Variants in PAPSS1 observed in about 807,000 individuals in gnomAD.
PAPSS1 encodes 3'-phosphoadenosine 5'-phosphosulfate synthase 1.
PAPSS1 carries 50 observed loss-of-function variants against 72.0 expected under a neutral mutation model. That is an observed-to-expected ratio of 0.69 (90% CI 0.55 to 0.88). The LOEUF (loss-of-function observed/expected upper bound fraction) is 0.88. PAPSS1 is among the 40% of genes least tolerant of loss of function. The pLI, the probability that PAPSS1 is intolerant of heterozygous loss-of-function variation, is 0.00. For synonymous variants in PAPSS1, 261 were observed against 263.6 expected, an observed-to-expected ratio of 0.99 and a Z score of 0.09; for missense variants, 657 against 782.2, an observed-to-expected ratio of 0.84 and a Z score of 1.91.
intron 9 of PAPSS1, among the ~76,000 whole-genome samples, chr4:107,652,413 G>A (rs779305055): frequency 1.3e-4 from 20 of 152,140 alleles, no homozygotes; most frequent in Non-Finnish European, 2.9e-5. Flanking sequence ...CCACCTCTGT[G>A]TCAAAGACCT....
chr4:107,720,115 C>A lies in PAPSS1; in HGVS notation c.60+5G>T. ...CTCGCCGTCTCGCCTTCGTCCCCAG[C>A]TTACCCAGTTCTGCGCGTTATTGCT... On this transcript the variant is annotated splice_donor_5th_base_variant and intron_variant, in intron 1 of 11. Coordinates refer to ENST00000265174, the MANE Select transcript of PAPSS1 (RefSeq NM_005443.5). The A allele has an allele frequency of 6.2e-7, 1 of 1,603,608 alleles. No individual in the cohort carries two copies. The highest frequency in any genetic ancestry group is 8.5e-7 in the Non-Finnish European group (1 of 1,175,522).
At chr4:107,669,427 G>C (rs62311638) in intron 5 of PAPSS1, among the ~76,000 whole-genome samples, 27,364 of 152,110 alleles carry the variant, frequency 0.18, 2,934 homozygotes, top group East Asian at 0.37. Flanking sequence ...TAAAAGAAGA[G>C]AAATAAATGA....
At chr4:107,615,974 C>A (rs1176833039) in intron 11 of PAPSS1, among the ~76,000 whole-genome samples, 1 of 152,148 alleles carries the variant, frequency 6.6e-6, no homozygotes, top group Non-Finnish European at 1.5e-5. Context: ...GACTTCCCAA[C>A]CTCTAGAACT....
At chr4:107,666,137 T>G (rs992442769) in intron 5 of PAPSS1, among the ~76,000 whole-genome samples, 5 of 152,224 alleles carry the variant, frequency 3.3e-5, no homozygotes, top group Non-Finnish European at 7.3e-5. Context: ...AGTCTGGCTT[T>G]TATGTGTAGC....
intron 5 of PAPSS1, among the ~76,000 whole-genome samples, chr4:107,681,367 C>A (rs577629474): frequency 6.6e-6 from 1 of 152,220 alleles, no homozygotes; most frequent in East Asian, 1.9e-4. Flanking sequence ...ACTATGTGAC[C>A]CTCCAATGAA....
In PAPSS1 at chr4:107,692,016, C is replaced by T. The variant is rs144995179; in HGVS notation, c.411+1755G>A. 4.3e-3 allele frequency among the ~76,000 whole-genome samples: 659 copies of T among 152,232 alleles called. 1 individual carries two copies. Among genetic ancestry groups the T allele is most frequent in the Non-Finnish European group, 7.7e-3 (523 of 68,012 alleles). The stretch of plus-strand genomic sequence containing the variant: ...GCAGAAGATTGAAACTGGACCCCTT[C>T]CTTACACCATAGGCAAAAATTAACT... On this transcript the variant is annotated intron_variant, in intron 3 of 11. Coordinates refer to ENST00000265174, the MANE Select transcript of PAPSS1 (RefSeq NM_005443.5).
At chr4:107,681,440 C>G (rs1442674764) in intron 5 of PAPSS1, among the ~76,000 whole-genome samples, 1 of 152,042 alleles carries the variant, frequency 6.6e-6, no homozygotes. Flanking sequence ...TTCTAAAAAC[C>G]CAGACTAAAG....
In PAPSS1 at chr4:107,644,793, G is replaced by A. The variant is rs1268549923; in HGVS notation, c.1506+9C>T. The A allele has an allele frequency of 2.5e-6, 4 of 1,597,532 alleles. No individual in the cohort carries two copies. The highest frequency in any genetic ancestry group is 3.4e-6 in the Non-Finnish European group (4 of 1,172,468). ...CACTGCTGCAGTGAAAATCTTACAA[G>A]CAGTCTACCTCAGTTGGTCCAGCAT... On this transcript the variant is annotated intron_variant, in intron 10 of 11. Transcript: ENST00000265174.
intron 4 of PAPSS1, among the ~76,000 whole-genome samples, chr4:107,683,761 T>G (rs1437795494): frequency 6.6e-6 from 1 of 152,182 alleles, no homozygotes; most frequent in Non-Finnish European, 1.5e-5. Context: ...ATAAATGTCA[T>G]GTAAAGGTCT....
chr4:107,698,535 CA>C (rs1037348290), intron 2 of PAPSS1, among the ~76,000 whole-genome samples: 11 of 152,114 alleles, frequency 7.2e-5, no homozygotes, highest in African/African-American at 2.4e-4. Context: ...GAGGGGAGGA[CA>C]GGGGGCAAAC....
intron 11 of PAPSS1, among the ~76,000 whole-genome samples, chr4:107,615,962 T>C (rs551282175): frequency 6.6e-6 from 1 of 152,306 alleles, no homozygotes; most frequent in East Asian, 1.9e-4. Context: ...ACCTTGATCT[T>C]GGACTTCCCA....
intron 4 of PAPSS1, among the ~76,000 whole-genome samples, chr4:107,684,362 A>G (rs1397994952): frequency 2.6e-5 from 4 of 152,224 alleles, no homozygotes; most frequent in South Asian, 2.1e-4. Context: ...ATTGCAAGAC[A>G]AGAAGAAAAT....
chr4:107,677,228 T>G (rs1727677162), intron 5 of PAPSS1, among the ~76,000 whole-genome samples: 1 of 152,114 alleles, frequency 6.6e-6, no homozygotes, highest in Non-Finnish European at 1.5e-5. Flanking sequence ...CAAAAGAAAC[T>G]ACCATCAGAG....
Position 107,631,777 on chromosome 4 carries a change from T to C in PAPSS1, c.1590A>G (p.Pro530=). Residue 530 remains proline, a synonymous_variant, in exon 11 of 12, where the codon CCA becomes CCG. Coordinates refer to ENST00000265174, the MANE Select transcript of PAPSS1 (RefSeq NM_005443.5). ...GCTCATAAAGATCCTTCCCTGTTTC[T>C]GGATGAGGCATGCCAGCAGGGTCTC... ...VGRDPAGMPH[P]ETGKDLYEPS... is the part of the protein sequence containing the mutation. 1.2e-6 allele frequency: 2 copies of C among 1,614,158 alleles called. No homozygotes were observed. Among genetic ancestry groups the C allele is most frequent in the Non-Finnish European group, 1.7e-6 (2 of 1,180,012 alleles).
rs191040121 is a variant in PAPSS1 at position 107,712,867 on chromosome 4, G to A, written c.60+7253C>T. Reference sequence around the variant, plus strand: ...CAGCCAGGCGACAGAGCGAGACTCCGTCTCGGGAAAGAAAAAAAAAAAAAG... The same window carrying A: ...CAGCCAGGCGACAGAGCGAGACTCCATCTCGGGAAAGAAAAAAAAAAAAAG... On this transcript the variant is annotated intron_variant, in intron 1 of 11. Transcript: ENST00000265174. Among the ~76,000 whole-genome samples, 809 of 102,522 alleles carry A rather than the reference G, an allele frequency of 7.9e-3. 14 individuals carry two copies. The highest frequency in any genetic ancestry group is 0.023 in the African/African-American group (759 of 32,688). 67.3% of individuals were successfully genotyped at this position (102,522 alleles called of 152,430 possible).
At chr4:107,637,945 T>C (rs535943082) in intron 10 of PAPSS1, among the ~76,000 whole-genome samples, 10 of 152,316 alleles carry the variant, frequency 6.6e-5, no homozygotes, top group African/African-American at 2.2e-4. Context: ...TAATATGTTT[T>C]CTTGAAATTC....
chr4:107,639,167 A>G (rs1404400980), intron 10 of PAPSS1, among the ~76,000 whole-genome samples: 3 of 151,962 alleles, frequency 2.0e-5, no homozygotes, highest in Non-Finnish European at 2.9e-5. Context: ...CTATTAAGAG[A>G]AAAAAAATGA....
chr4:107,621,460 C>A, intron 11 of PAPSS1, among the ~76,000 whole-genome samples: 1 of 151,966 alleles, frequency 6.6e-6, no homozygotes, highest in Non-Finnish European at 1.5e-5. Context: ...TAAATGCTCT[C>A]GTAATTTTTC....
chr4:107,681,688 T>C (rs1286784147), intron 5 of PAPSS1, among the ~76,000 whole-genome samples: 1 of 152,168 alleles, frequency 6.6e-6, no homozygotes, highest in African/African-American at 2.4e-5. Flanking sequence ...TGGAAAAATA[T>C]AATACTATCA....
Sources: allele counts gnomAD v4.1 joint callset (sites outside exome capture counted in the v4.1 genomes callset), GRCh38; gene constraint gnomAD v4.1.1; transcripts MANE v1.5; gene names NCBI Gene and HGNC (gene_info 2026-07-23, HGNC 2026-07-21).